Variants in CFAP99 observed in about 807,000 individuals in gnomAD.
CFAP99 encodes cilia- and flagella-associated protein 99.
A neutral mutation model predicts 82.7 loss-of-function variants in CFAP99; 84 were observed. The ratio of observed to expected loss-of-function variants is 1.02; its 90% CI spans 0.85 to 1.22. CFAP99 has a LOEUF of 1.22. CFAP99 is among the 50% of genes most tolerant of loss of function. The pLI is 0.00. For missense variants in CFAP99, 1,059 were observed against 983.5 expected, an observed-to-expected ratio of 1.08 and a Z score of -1.03; for synonymous variants, 456 against 429.5, an observed-to-expected ratio of 1.06 and a Z score of -0.76.
chr4:2,462,495 G>T lies in CFAP99; in HGVS notation c.1714G>T (p.Glu572Ter), dbSNP rs1410382621. 186 of 1,477,388 alleles carry T rather than the reference G, an allele frequency of 1.3e-4. No individual in the cohort carries two copies. Among genetic ancestry groups the T allele is most frequent in the Non-Finnish European group, 1.6e-4 (181 of 1,123,226 alleles). 91.5% of individuals were successfully genotyped at this position (1,477,388 alleles called of 1,614,324 possible). A position where few individuals can be genotyped will look rare whatever the true frequency, so the allele number is the denominator to read the frequency against. ...GGCCCCGGCGGCGCCCTCGCAGGAC[G>T]AGCGCGTGCAGCAGCTGCGGCGCAG... Residue 572 changes from glutamate to a stop codon, truncating the protein, a stop_gained, in exon 15 of 15, where the codon GAG (glutamate) becomes TAG (stop). Coordinates refer to ENST00000635017, the Ensembl canonical transcript of CFAP99. LOFTEE classifies it low-confidence loss of function (END_TRUNC). This position sits in a 1 kb window ranked among gnomAD's most constrained non-coding sequence, Gnocchi z 4.1.
At chr4:2,433,649 G>A (rs1023618300) in intron 2 of CFAP99, among the ~76,000 whole-genome samples, 19 of 152,318 alleles carry the variant, frequency 1.2e-4, no homozygotes, top group African/African-American at 4.3e-4. Flanking sequence ...TGGAGGCAGG[G>A]CATTCCCTTT....
chr4:2,450,751 C>T (rs1682496702), intron 8 of CFAP99, among the ~76,000 whole-genome samples, 196 bp from the exon 9 acceptor site: 1 of 152,160 alleles, frequency 6.6e-6, no homozygotes, highest in Admixed American at 6.5e-5. Context: ...TGGGTGGAAC[C>T]ACAGCAAGGC....
chr4:2,439,524 C>T (rs1019480610), intron 4 of CFAP99, among the ~76,000 whole-genome samples: 1 of 152,166 alleles, frequency 6.6e-6, no homozygotes, highest in Non-Finnish European at 1.5e-5. Context: ...CTGGGACCGG[C>T]GGCTCACACA....
At position 2,443,129 on chromosome 4, in the gene CFAP99, G is replaced by A. The variant is rs1036132852; in HGVS notation, c.352-1G>A. The A allele has an allele frequency of 6.6e-7, 1 of 1,522,808 alleles. No individual in the cohort carries two copies. The highest frequency in any genetic ancestry group is 8.8e-7 in the Non-Finnish European group (1 of 1,136,550). 94.3% of individuals were successfully genotyped at this position (1,522,808 alleles called of 1,614,324 possible). On this transcript the variant is annotated splice_acceptor_variant, in intron 4 of 14. Transcript: ENST00000635017. LOFTEE classifies it high-confidence loss of function. Reference sequence around the variant, plus strand: ...CCCCTGACAGCCCCCGTCCACCCCAGTTCCTCAGGTTCTTCTTCAACCCCC... The same window carrying A: ...CCCCTGACAGCCCCCGTCCACCCCAATTCCTCAGGTTCTTCTTCAACCCCC...
At chr4:2,423,820 A>AATCATCAGG (rs1218662533) in intron 1 of CFAP99, among the ~76,000 whole-genome samples, 2 of 149,008 alleles carry the variant, frequency 1.3e-5, no homozygotes, top group East Asian at 2.1e-4. Flanking sequence ...CCTTGCCCCG[A>AATCATCAGG]ATCATCAGGA....
Position 2,462,756 on chromosome 4 carries a change from G to A in CFAP99, c.1975G>A (p.Ala659Thr). The stretch of plus-strand genomic sequence containing the variant: ...GGCCGGGAGATACGCAGCGGCGGGC[G>A]CGGGAGGCGGTGGGGGCGTCCCTGC... The change falls in exon 15 of 15, where the codon GCG becomes ACG. Residue 659 changes from alanine (A) to threonine (T), a missense_variant. Physicochemically the swap from Ala to Thr is moderately conservative, Grantham distance 58. Transcript: ENST00000635017. The surrounding 1 kb of genome is among the most constrained non-coding windows in gnomAD (Gnocchi z 4.1). 2 of 1,248,136 alleles carry A rather than the reference G, an allele frequency of 1.6e-6. No individual in the cohort carries two copies. The highest frequency in any genetic ancestry group is 2.0e-6 in the Non-Finnish European group (2 of 993,764). 77.3% of individuals were successfully genotyped at this position (1,248,136 alleles called of 1,614,324 possible). A position where few individuals can be genotyped will look rare whatever the true frequency, so the allele number is the denominator to read the frequency against.
At chr4:2,444,545 A>C (rs1734120114) in intron 5 of CFAP99, among the ~76,000 whole-genome samples, 1 of 152,110 alleles carries the variant, frequency 6.6e-6, no homozygotes. Flanking sequence ...GGCTGTGCCC[A>C]TGCTGGGTGT....
At chr4:2,434,271 C>T (rs1037075030) in intron 2 of CFAP99, among the ~76,000 whole-genome samples, 2 of 152,126 alleles carry the variant, frequency 1.3e-5, no homozygotes, top group Non-Finnish European at 2.9e-5. Flanking sequence ...CTGGGGTATC[C>T]GTTTGGCAAT....
At chr4:2,433,151 G>A (rs1452692046) in intron 2 of CFAP99, among the ~76,000 whole-genome samples, 3 of 152,290 alleles carry the variant, frequency 2.0e-5, no homozygotes, top group Non-Finnish European at 4.4e-5. Context: ...AGGACCCTCC[G>A]GCCCAGAGTG....
chr4:2,459,254 C>T, exon 13 of CFAP99: 2 of 1,532,514 alleles, frequency 1.3e-6, no homozygotes, highest in Non-Finnish European at 8.7e-7. Context: ...GTGGACCTGA[C>T]CCAGGTGAGG....
intron 11 of CFAP99, among the ~76,000 whole-genome samples, chr4:2,455,063 G>A (rs1456162193): frequency 6.6e-6 from 1 of 151,958 alleles, no homozygotes; most frequent in East Asian, 1.9e-4. Flanking sequence ...GAAACTGCAG[G>A]CGTGCACCAC....
At chr4:2,440,741 C>G (rs1035766819) in intron 4 of CFAP99, among the ~76,000 whole-genome samples, 2 of 151,738 alleles carry the variant, frequency 1.3e-5, no homozygotes, top group South Asian at 2.1e-4. Context: ...TACAGGCGCC[C>G]GCCACCACAC....
chr4:2,433,092 G>A (rs1016846006), intron 2 of CFAP99, among the ~76,000 whole-genome samples: 12 of 151,852 alleles, frequency 7.9e-5, no homozygotes, highest in Non-Finnish European at 1.3e-4. Context: ...CCAGCCTGGC[G>A]TGGACTGGGA....
intron 11 of CFAP99, among the ~76,000 whole-genome samples, chr4:2,457,015 C>T (rs1432548730): frequency 6.9e-6 from 1 of 144,678 alleles, no homozygotes; most frequent in Non-Finnish European, 1.5e-5. Context: ...TGCAGTGGCA[C>T]AATCATGGCT....
intron 5 of CFAP99, among the ~76,000 whole-genome samples, chr4:2,444,115 C>A (rs1392301017): frequency 6.6e-6 from 1 of 152,140 alleles, no homozygotes; most frequent in African/African-American, 2.4e-5. Context: ...AAGGGGAAGT[C>A]CCCAGTCCCA....
chr4:2,426,854 G>T (rs974727618), intron 2 of CFAP99: 16 of 454,530 alleles, frequency 3.5e-5, no homozygotes, highest in African/African-American at 3.2e-4. Context: ...AGTCAACACA[G>T]ATGAGAAGGG....
chr4:2,433,121 C>A (rs1733832469), intron 2 of CFAP99, among the ~76,000 whole-genome samples: 3 of 139,822 alleles, frequency 2.1e-5, no homozygotes, highest in Non-Finnish European at 4.4e-5. Flanking sequence ...ACTGGCTCCT[C>A]ACTCAGCTCT....
chr4:2,462,708 C>G lies in CFAP99; in HGVS notation c.1927C>G (p.Arg643Gly). 2 of 1,246,394 alleles carry G rather than the reference C, an allele frequency of 1.6e-6. No homozygotes were observed. Among genetic ancestry groups the G allele is most frequent in the East Asian group, 3.3e-5 (1 of 29,914 alleles). 77.2% of individuals were successfully genotyped at this position (1,246,394 alleles called of 1,614,324 possible). A position where few individuals can be genotyped will look rare whatever the true frequency, so the allele number is the denominator to read the frequency against. ...GACCGGCGTCCCGGGGCGGGGATGG[C>G]GGGGAGATCGGGTCCGGTCCGCGGC... The change falls in exon 15 of 15, where the codon CGG (arginine) becomes GGG (glycine). Residue 643 changes from arginine to glycine, a missense_variant. Physicochemically the swap from Arg to Gly is moderately radical, Grantham distance 125. Coordinates refer to ENST00000635017, the Ensembl canonical transcript of CFAP99. The surrounding 1 kb of genome is among the most constrained non-coding windows in gnomAD (Gnocchi z 4.1).
exon 3 of CFAP99, chr4:2,436,951 C>CGTG: frequency 6.5e-7 from 1 of 1,536,058 alleles, no homozygotes; most frequent in Non-Finnish European, 8.7e-7. Context: ...TGCTGACCGT[C>CGTG]GTGGTGGATG....
Sources: gnomAD v4.1 joint callset for allele counts (sites outside exome capture counted in the v4.1 genomes callset) on GRCh38, gnomAD v4.1.1 for gene constraint, Gnocchi (gnomAD v3.1) non-coding constraint, MANE v1.5 for transcripts, NCBI Gene and HGNC (gene_info 2026-07-23, HGNC 2026-07-21) for gene names.